TSC22D1: variants seen among roughly 807,000 people sequenced by gnomAD.
The protein encoded by TSC22D1 is TSC22 domain family protein 1.
Under a neutral mutation model 74.2 loss-of-function variants are expected in TSC22D1, and 9 were observed. The observed-to-expected ratio is 0.12, with a 90% CI of 0.07 to 0.21. The LOEUF is 0.21. Among genes scored for constraint, TSC22D1 ranks in the 10% least tolerant of loss-of-function variants. The pLI is 1.00. For synonymous variants in TSC22D1, 586 were observed against 492.5 expected (o/e 1.19, Z -2.51); for missense variants, 1,427 against 1,304.7 (o/e 1.09, Z -1.44).
At chr13:44,564,894 T>C (rs1883269462) in intron 1 of TSC22D1, among the ~76,000 whole-genome samples, 1 of 152,228 alleles carries the variant, frequency 6.6e-6, no homozygotes, top group South Asian at 2.1e-4. Context: ...AAAGTAATGA[T>C]CAAGATGTAG....
chr13:44,538,878 T>C (rs1566161141), intron 1 of TSC22D1: 2 of 985,260 alleles, frequency 2.0e-6, no homozygotes, highest in Non-Finnish European at 2.4e-6. Context: ...GTTTTACCAG[T>C]TGAAAGAAAT....
At chr13:44,538,734 C>T in intron 1 of TSC22D1, 1 of 985,420 alleles carries the variant, frequency 1.0e-6, no homozygotes, top group Non-Finnish European at 1.2e-6. Context: ...GTGGCTGGCT[C>T]ATCCTTGTGT....
rs1595180375 is a variant in TSC22D1 at position 44,573,223 on chromosome 13, G to A, written c.2852C>T (p.Ser951Phe). Residue 951 changes from serine (S) to phenylalanine (F), a missense_variant, in exon 1 of 3, where the codon TCT (serine) becomes TTT (phenylalanine). Around this residue, in one of 3 missense-constraint regions of TSC22D1, gnomAD observed 1,343 missense variants for 1,191.5 expected, o/e 1.13. Coordinates refer to ENST00000458659, the MANE Select transcript of TSC22D1 (RefSeq NM_183422.4). Reference sequence around the variant, plus strand: ...CGGTAGCACCTTCAACGGGAAAAGAGAAGCAGAGGCTGCTAGGCTGCTGCT... The same window carrying A: ...CGGTAGCACCTTCAACGGGAAAAGAAAAGCAGAGGCTGCTAGGCTGCTGCT... ...GSSSSLAASA[S>F]LFPLKVLPLT... 5 of 1,614,196 alleles carry A rather than the reference G, an allele frequency of 3.1e-6. No homozygotes were observed.
At chr13:44,460,005 T>G (rs1876910924) in intron 1 of TSC22D1, among the ~76,000 whole-genome samples, 1 of 152,144 alleles carries the variant, frequency 6.6e-6, no homozygotes, top group African/African-American at 2.4e-5. Context: ...GTGGAATTAT[T>G]AGCTCAGAGG....
chr13:44,444,948 A>G (rs1875516459), intron 1 of TSC22D1, among the ~76,000 whole-genome samples: 1 of 152,164 alleles, frequency 6.6e-6, no homozygotes, highest in Non-Finnish European at 1.5e-5. Context: ...GAAAACCTCA[A>G]GCTCAAATGG....
At chr13:44,509,301 C>T (rs1257725520) in intron 1 of TSC22D1, among the ~76,000 whole-genome samples, 1 of 152,142 alleles carries the variant, frequency 6.6e-6, no homozygotes, top group Non-Finnish European at 1.5e-5. Context: ...GTGATGGTTG[C>T]ACAACAATGT....
At chr13:44,557,724 A>T (rs980358728) in intron 1 of TSC22D1, among the ~76,000 whole-genome samples, 5 of 152,198 alleles carry the variant, frequency 3.3e-5, no homozygotes, top group Non-Finnish European at 7.4e-5. Context: ...TTCTACTTTA[A>T]AAGTATTTTA....
intron 1 of TSC22D1, among the ~76,000 whole-genome samples, chr13:44,470,911 A>T (rs560416206): frequency 6.6e-6 from 1 of 152,214 alleles, no homozygotes; most frequent in African/African-American, 2.4e-5. Flanking sequence ...GTTACTGACC[A>T]CTCCATCTTA....
intron 1 of TSC22D1, among the ~76,000 whole-genome samples, chr13:44,490,595 G>A (rs1047684126): frequency 6.6e-6 from 1 of 151,896 alleles, no homozygotes; most frequent in Admixed American, 6.6e-5. Context: ...CCCAAGAATT[G>A]CTAACTATAA....
intron 1 of TSC22D1, among the ~76,000 whole-genome samples, chr13:44,439,889 G>A (rs113427715): frequency 1.5e-3 from 227 of 152,258 alleles, no homozygotes; most frequent in African/African-American, 5.2e-3. Context: ...GGCCAACACC[G>A]GTACAGTTGG....
At chr13:44,444,170 T>C (rs561503555) in intron 1 of TSC22D1, among the ~76,000 whole-genome samples, 1 of 148,118 alleles carries the variant, frequency 6.8e-6, no homozygotes, top group African/African-American at 2.5e-5. Flanking sequence ...TCCCAGCTAC[T>C]TGGGAGGCTG....
At chr13:44,451,537 G>A (rs1272193214) in intron 1 of TSC22D1, 1 of 152,216 alleles carries the variant, frequency 6.6e-6, no homozygotes, top group East Asian at 1.9e-4. Flanking sequence ...AAATTAACTG[G>A]AAAGCGATGG....
chr13:44,565,991 A>G (rs963187487), intron 1 of TSC22D1, among the ~76,000 whole-genome samples: 1 of 152,338 alleles, frequency 6.6e-6, no homozygotes, highest in South Asian at 2.1e-4. Flanking sequence ...TAAATAAAAC[A>G]TGTCCACCTT....
At chr13:44,509,082 A>G (rs1460339725) in intron 1 of TSC22D1, among the ~76,000 whole-genome samples, 5 of 152,048 alleles carry the variant, frequency 3.3e-5, no homozygotes, top group Non-Finnish European at 7.4e-5. Context: ...TTATCAAACA[A>G]CCCAAGACCC....
intron 1 of TSC22D1, among the ~76,000 whole-genome samples, chr13:44,475,530 A>C (rs1203103900): frequency 6.6e-6 from 1 of 152,088 alleles, no homozygotes; most frequent in Non-Finnish European, 1.5e-5. Context: ...AATAGAAAAC[A>C]AGCATATATT....
intron 1 of TSC22D1, among the ~76,000 whole-genome samples, chr13:44,546,749 C>CGT (rs58111185): frequency 0.75 from 110,353 of 146,624 alleles, 41,981 homozygotes; most frequent in East Asian, 0.9. Context: ...GTGTGAAATA[C>CGT]GTGTGTGTGT....
chr13:44,530,433 A>G (rs1235118890), intron 1 of TSC22D1, among the ~76,000 whole-genome samples: 2 of 151,752 alleles, frequency 1.3e-5, no homozygotes, highest in Non-Finnish European at 2.9e-5. Flanking sequence ...TGTAAATCAC[A>G]AAACTTAAAA....
At chr13:44,451,212 G>A (rs2138910339) in intron 1 of TSC22D1, among the ~76,000 whole-genome samples, 1 of 152,342 alleles carries the variant, frequency 6.6e-6, no homozygotes, top group Admixed American at 6.5e-5. Flanking sequence ...CAGTCCGTTA[G>A]ACAGAAACAG....
At chr13:44,434,979 AT>A in intron 2 of TSC22D1, 96 bp from the exon 3 acceptor site, 1 of 1,058,266 alleles carries the variant, frequency 9.4e-7, no homozygotes, top group Non-Finnish European at 1.4e-6. Flanking sequence ...CTCCCTAACT[AT>A]TTACATATTC....
Sources: allele counts gnomAD v4.1 joint callset (sites outside exome capture counted in the v4.1 genomes callset), GRCh38; gene constraint gnomAD v4.1.1; regional missense constraint gnomAD v4.1.1; transcripts MANE v1.5; gene names NCBI Gene and HGNC (gene_info 2026-07-23, HGNC 2026-07-21).